TOX: variants seen among roughly 807,000 people sequenced by gnomAD.
TOX encodes thymocyte selection associated high mobility group box.
Under a neutral mutation model 53.7 loss-of-function variants are expected in TOX, and 11 were observed. The observed-to-expected ratio is 0.20, with a 90% confidence interval of 0.13 to 0.34. The LOEUF is 0.34. Ranked by LOEUF, TOX falls within the 10% of genes least tolerant of loss-of-function variation. The pLI is 1.00. For synonymous variants in TOX, 225 were observed against 245.3 expected (o/e 0.92, Z 0.77); for missense variants, 570 against 664.6 (o/e 0.86, Z 1.56).
chr8:58,987,443 A>C (rs1813353613), intron 1 of TOX, among the ~76,000 whole-genome samples: 1 of 152,236 alleles, frequency 6.6e-6, no homozygotes, highest in Non-Finnish European at 1.5e-5. Flanking sequence ...TAGAATTTGC[A>C]TTCATTAAGT....
rs118045409 is a variant in TOX, at chr8:58,889,575, C to T, written c.412-37770G>A. 2.3e-3 allele frequency among the ~76,000 whole-genome samples: 352 copies of T among 152,054 alleles called. 5 individuals carry two copies. Among genetic ancestry groups the T allele is most frequent in the South Asian group, 0.019 (93 of 4,824 alleles). ...TTGAACAATGTGAATGTTTTACTAACTCAAATAATTAAATTTAGAAAAAAA... is the reference window on the plus strand; with the variant it reads ...TTGAACAATGTGAATGTTTTACTAATTCAAATAATTAAATTTAGAAAAAAA... On this transcript the variant is annotated intron_variant, in intron 3 of 8. Transcript: ENST00000361421.
intron 3 of TOX, among the ~76,000 whole-genome samples, chr8:58,902,840 T>C (rs1416568312): frequency 6.6e-6 from 1 of 152,136 alleles, no homozygotes; most frequent in Non-Finnish European, 1.5e-5. Flanking sequence ...AATCTAGCAA[T>C]TTTTTTCATG....
At position 58,815,458 on chromosome 8, in the gene TOX, G is replaced by A; in HGVS notation, c.1272C>T (p.Ser424=). 1 of 1,614,112 alleles carries A rather than the reference G, an allele frequency of 6.2e-7. No individual in the cohort carries two copies. The highest frequency in any genetic ancestry group is 8.5e-7 in the Non-Finnish European group (1 of 1,180,006). The change falls in exon 7 of 9, where the codon AGC becomes AGT. Residue 424 remains serine, a synonymous_variant. Coordinates refer to ENST00000361421, the MANE Select transcript of TOX (RefSeq NM_014729.3). ...AVSPPPPLQI[S]PPLHQHLNMQ... is the part of the protein sequence containing the mutation. ...TGTTGAGATGCTGGTGAAGAGGCGG[G>A]CTGATCTGGAGGGGAGGAGGAGGGG...
At chr8:59,065,862 C>T (rs1264359579) in intron 1 of TOX, among the ~76,000 whole-genome samples, 1 of 151,990 alleles carries the variant, frequency 6.6e-6, no homozygotes, top group African/African-American at 2.4e-5. Flanking sequence ...AAAAAAAAAT[C>T]ATCAAATAAT....
chr8:59,075,960 G>T (rs1333944687), intron 1 of TOX, among the ~76,000 whole-genome samples: 1 of 151,068 alleles, frequency 6.6e-6, no homozygotes, highest in East Asian at 2.0e-4. Flanking sequence ...AGCCCAGATC[G>T]CGCCATTGCA....
chr8:58,939,170 TA>T, intron 3 of TOX, 131 bp downstream of exon 3: 1 of 1,200,392 alleles, frequency 8.3e-7, no homozygotes, highest in Non-Finnish European at 1.2e-6. Context: ...GTATGATTTA[TA>T]AATAACTGTC....
intron 3 of TOX, among the ~76,000 whole-genome samples, chr8:58,901,623 A>G (rs1433663114): frequency 6.6e-6 from 1 of 152,226 alleles, no homozygotes; most frequent in East Asian, 1.9e-4. Flanking sequence ...TATTTCAAAC[A>G]TGATTGAAAT....
At chr8:58,966,107 C>A (rs1210594672) in intron 1 of TOX, among the ~76,000 whole-genome samples, 1 of 152,056 alleles carries the variant, frequency 6.6e-6, no homozygotes, top group Non-Finnish European at 1.5e-5. Context: ...ACTGCACATC[C>A]TCACCAGTCT....
chr8:58,868,913 A>C (rs1409954141), intron 3 of TOX, among the ~76,000 whole-genome samples: 1 of 151,998 alleles, frequency 6.6e-6, no homozygotes, highest in Non-Finnish European at 1.5e-5. Context: ...TTGAGAAAGC[A>C]GTAAAATTGA....
intron 1 of TOX, among the ~76,000 whole-genome samples, chr8:59,056,583 T>A (rs1214206929): frequency 6.6e-6 from 1 of 152,160 alleles, no homozygotes; most frequent in African/African-American, 2.4e-5. Flanking sequence ...TCCCTAGGAC[T>A]TAAAGGATTA....
At chr8:58,984,041 C>T (rs1489178517) in intron 1 of TOX, among the ~76,000 whole-genome samples, 2 of 152,186 alleles carry the variant, frequency 1.3e-5, no homozygotes, top group South Asian at 4.1e-4. Context: ...TATTTTAGTA[C>T]CATATTTTTT....
At chr8:58,843,832 T>A (rs1266832651) in intron 4 of TOX, among the ~76,000 whole-genome samples, 4 of 152,214 alleles carry the variant, frequency 2.6e-5, no homozygotes, top group African/African-American at 7.2e-5. Context: ...AGTAGCTTCA[T>A]CACATGTGTG....
chr8:58,955,038 G>A (rs1464536201), intron 2 of TOX, among the ~76,000 whole-genome samples: 4 of 152,254 alleles, frequency 2.6e-5, no homozygotes, highest in African/African-American at 9.6e-5. Context: ...AAGCTGTCCT[G>A]GATATATACA....
chr8:59,010,150 T>C (rs745698596), intron 1 of TOX, among the ~76,000 whole-genome samples: 67 of 152,290 alleles, frequency 4.4e-4, no homozygotes, highest in Non-Finnish European at 8.5e-4. Flanking sequence ...CACAACCAGA[T>C]GTTAAATATT....
chr8:58,967,262 C>T (rs886393101), intron 1 of TOX, among the ~76,000 whole-genome samples: 2 of 152,068 alleles, frequency 1.3e-5, no homozygotes, highest in Non-Finnish European at 2.9e-5. Flanking sequence ...CCAGTTTGAA[C>T]TTCTTCCTTT....
chr8:58,832,173 A>AC (rs1810470866), intron 5 of TOX, among the ~76,000 whole-genome samples: 1 of 147,120 alleles, frequency 6.8e-6, no homozygotes, highest in African/African-American at 2.5e-5. Flanking sequence ...TAATATATGT[A>AC]ATATATATAT....
intron 7 of TOX, among the ~76,000 whole-genome samples, chr8:58,810,903 G>A (rs1032062930): frequency 5.9e-5 from 9 of 151,850 alleles, no homozygotes; most frequent in Admixed American, 1.3e-4. Flanking sequence ...TTCTCAGGTT[G>A]TAAGAAAACA....
At chr8:58,899,891 CAT>C (rs1299926594) in intron 3 of TOX, among the ~76,000 whole-genome samples, 1 of 152,102 alleles carries the variant, frequency 6.6e-6, no homozygotes, top group African/African-American at 2.4e-5. Flanking sequence ...AGGGAAAACA[CAT>C]GAGTGAATGT....
chr8:59,019,170 T>C (rs1814074109), intron 1 of TOX, among the ~76,000 whole-genome samples: 1 of 152,228 alleles, frequency 6.6e-6, no homozygotes, highest in Admixed American at 6.5e-5. Context: ...TTCTTTAGTG[T>C]ACAAAATTTA....
Sources: gnomAD v4.1 joint callset for allele counts (sites outside exome capture counted in the v4.1 genomes callset) on GRCh38, gnomAD v4.1.1 for gene constraint, MANE v1.5 for transcripts, NCBI Gene and HGNC (gene_info 2026-07-23, HGNC 2026-07-21) for gene names.